Variants in GAS7 observed in about 807,000 individuals in gnomAD.
GAS7 encodes the protein growth arrest specific 7.
Under a neutral mutation model 71.1 loss-of-function variants are expected in GAS7, and 28 were observed. The ratio of observed to expected loss-of-function variants is 0.39; its 90% CI spans 0.29 to 0.54. The LOEUF (loss-of-function observed/expected upper bound fraction) is 0.54. Among genes scored for constraint, GAS7 ranks in the 20% least tolerant of loss-of-function variants. The pLI is 0.62. For synonymous variants in GAS7, 258 were observed against 245.8 expected (o/e 1.05, Z -0.46); for missense variants, 436 against 627.8 (o/e 0.69, Z 3.27).
chr17:10,107,183 C>T lies in GAS7; in HGVS notation c.184-87286G>A, dbSNP rs538974024. 2.6e-5 allele frequency among the ~76,000 whole-genome samples: 4 copies of T among 152,366 alleles called. No individual in the cohort carries two copies. In the South Asian group the frequency reaches 8.3e-4, roughly 32 times the overall value. On this transcript the variant is annotated intron_variant, in intron 1 of 13. Transcript: ENST00000432992. The stretch of plus-strand genomic sequence containing the variant: ...CCTTAGAACTATGAGTAAATAAATG[C>T]ATTTTAAGTCACTGCATTTGTGGCA...
chr17:10,194,786 A>G (rs1340477806), intron 1 of GAS7, among the ~76,000 whole-genome samples: 1 of 150,368 alleles, frequency 6.7e-6, no homozygotes, highest in Non-Finnish European at 1.5e-5. Context: ...ATGCTGGCTA[A>G]CACGGCGAAA....
rs112186085 is a variant in GAS7, at chr17:9,940,291, G to C, written c.732-91C>G. 278 of 885,348 alleles carry C rather than the reference G, an allele frequency of 3.1e-4. No individual in the cohort carries two copies. The African/African-American group carries it at 4.2e-3, about 13-fold the overall frequency. The allele number at this position is 885,348 out of a possible 1,614,324, so 54.8% of individuals were successfully genotyped here. On this transcript the variant is annotated intron_variant, in intron 7 of 13. Transcript: ENST00000432992. ...CCCTGCACACCTCAGCCGTGGAAAG[G>C]AACCCACTAGACCATAAGCTCTGAG...
intron 2 of GAS7, among the ~76,000 whole-genome samples, chr17:10,018,777 C>A (rs2072143258): frequency 6.6e-6 from 1 of 152,118 alleles, no homozygotes; most frequent in Non-Finnish European, 1.5e-5. Flanking sequence ...AACGATACCC[C>A]CAGGTGGGAA....
chr17:10,162,060 C>T (rs2074260662), intron 1 of GAS7, among the ~76,000 whole-genome samples: 2 of 115,304 alleles, frequency 1.7e-5, no homozygotes, highest in South Asian at 3.2e-4. Context: ...GAGCAAGACT[C>T]CATCTCAAAA....
chr17:9,967,614 C>CTTTTT (rs55673577), intron 4 of GAS7, among the ~76,000 whole-genome samples: 1 of 150,840 alleles, frequency 6.6e-6, no homozygotes, highest in African/African-American at 2.4e-5. Context: ...GTGTGTCCTA[C>CTTTTT]TTTTTTTTTA....
chr17:10,155,545 G>A (rs953250325), intron 1 of GAS7, among the ~76,000 whole-genome samples: 27 of 152,134 alleles, frequency 1.8e-4, no homozygotes, highest in African/African-American at 6.5e-4. Context: ...CCAAATAGAA[G>A]CTAGTTCAAG....
At chr17:10,168,579 T>C (rs12939270) in intron 1 of GAS7, among the ~76,000 whole-genome samples, 15,060 of 152,262 alleles carry the variant, frequency 0.099, 862 homozygotes, top group Non-Finnish European at 0.12. Context: ...GGCCCTAGGA[T>C]GTTGTTAGCA....
intron 1 of GAS7, among the ~76,000 whole-genome samples, chr17:10,089,518 T>A (rs55997541): frequency 2.1e-5 from 3 of 144,280 alleles, no homozygotes; most frequent in Non-Finnish European, 3.1e-5. Context: ...GAGAACACAG[T>A]AAAAAAAAAA....
chr17:10,136,823 T>C lies in GAS7; in HGVS notation c.183+61385A>G, dbSNP rs541109228. On this transcript the variant is annotated intron_variant, in intron 1 of 13. Coordinates refer to ENST00000432992, the MANE Select transcript of GAS7 (RefSeq NM_201433.2). Reference sequence around the variant, plus strand: ...CATTATCTGACCCTCTTTGACCTCTTAGACCTCAAATCTGGCCAGGCATCG... The same window carrying C: ...CATTATCTGACCCTCTTTGACCTCTCAGACCTCAAATCTGGCCAGGCATCG... Among the ~76,000 whole-genome samples the C allele has an allele frequency of 2.6e-5, 4 of 152,248 alleles. 1 individual carries two copies. The highest frequency in any genetic ancestry group is 2.1e-4 in the South Asian group (1 of 4,828).
chr17:10,126,607 C>T (rs889088768), intron 1 of GAS7, among the ~76,000 whole-genome samples: 2 of 152,066 alleles, frequency 1.3e-5, no homozygotes, highest in African/African-American at 4.8e-5. Context: ...CACGCTCACA[C>T]ACATGCAGAC....
chr17:10,152,309 C>T (rs1597822626), intron 1 of GAS7, among the ~76,000 whole-genome samples: 2 of 152,318 alleles, frequency 1.3e-5, no homozygotes, highest in South Asian at 2.1e-4. Context: ...CCACTTTAGT[C>T]AGCAATCGAC....
intron 2 of GAS7, among the ~76,000 whole-genome samples, chr17:10,000,360 G>T (rs917516318): frequency 6.6e-6 from 1 of 152,180 alleles, no homozygotes; most frequent in African/African-American, 2.4e-5. Context: ...TGCACCAGGT[G>T]CTACCTTTAT....
At chr17:9,960,026 T>C (rs2069417451) in intron 4 of GAS7, among the ~76,000 whole-genome samples, 1 of 152,056 alleles carries the variant, frequency 6.6e-6, no homozygotes, top group South Asian at 2.1e-4. Flanking sequence ...TGGGTCTCTG[T>C]TGTTCTATTA....
chr17:10,081,329 AT>A (rs71139014), intron 1 of GAS7, among the ~76,000 whole-genome samples: 24,021 of 151,854 alleles, frequency 0.16, 2,035 homozygotes, highest in Admixed American at 0.24. Flanking sequence ...TAATTTTTGT[AT>A]TTTTTTGTAG....
chr17:9,958,707 G>A (rs374445347), intron 5 of GAS7, among the ~76,000 whole-genome samples: 38 of 152,286 alleles, frequency 2.5e-4, no homozygotes, highest in African/African-American at 7.7e-4. Context: ...ATCTCGAAGC[G>A]CCCTGGGAGG....
intron 1 of GAS7, among the ~76,000 whole-genome samples, chr17:10,131,394 A>C (rs975790953): frequency 4.6e-5 from 7 of 152,182 alleles, no homozygotes; most frequent in Non-Finnish European, 1.0e-4. Context: ...AGGCCAAGGC[A>C]GGCAGATCAC....
At chr17:10,088,826 C>G (rs1345399721) in intron 1 of GAS7, among the ~76,000 whole-genome samples, 3 of 152,004 alleles carry the variant, frequency 2.0e-5, no homozygotes, top group Middle Eastern at 3.2e-3. Flanking sequence ...GGGGTTCAAG[C>G]TGAACCATAG....
intron 1 of GAS7, chr17:10,039,819 C>T (rs534384937): frequency 2.2e-4 from 97 of 450,078 alleles, no homozygotes; most frequent in African/African-American, 1.5e-3. Flanking sequence ...AGGGATTTTC[C>T]GTTTAGGGGT....
chr17:10,191,648 G>T (rs917304075), intron 1 of GAS7, among the ~76,000 whole-genome samples: 1 of 151,156 alleles, frequency 6.6e-6, no homozygotes, highest in South Asian at 2.1e-4. Context: ...AGGCTGAGGC[G>T]GGTGAATCAC....
Sources: gnomAD v4.1 joint callset for allele counts (sites outside exome capture counted in the v4.1 genomes callset) on GRCh38, gnomAD v4.1.1 for gene constraint, MANE v1.5 for transcripts, NCBI Gene and HGNC (gene_info 2026-07-23, HGNC 2026-07-21) for gene names.